C17orf75: variants seen among roughly 807,000 people sequenced by gnomAD.
C17orf75 encodes the protein protein Njmu-R1.
Under a neutral mutation model 49.6 loss-of-function variants are expected in C17orf75, and 32 were observed. The ratio of observed to expected loss-of-function variants is 0.65; its 90% confidence interval spans 0.49 to 0.87. C17orf75 has a LOEUF of 0.87. C17orf75 is among the 40% of genes least tolerant of loss of function. C17orf75 has a pLI of 0.00. For synonymous variants in C17orf75, 158 were observed against 159.5 expected (o/e 0.99, Z 0.07); for missense variants, 428 against 473.9 (o/e 0.90, Z 0.90).
upstream of C17orf75, among the ~76,000 whole-genome samples, chr17:32,346,105 C>T (rs535243049): frequency 3.3e-5 from 5 of 152,250 alleles, 1 homozygote; most frequent in South Asian, 2.1e-4. Flanking sequence ...CTAGCCTCCT[C>T]CCCTTGCTTA....
Position 32,342,056 on chromosome 17 carries a change from C to A in C17orf75, c.84G>T (p.Arg28=). 1 of 1,560,104 alleles carries A rather than the reference C, an allele frequency of 6.4e-7. No individual in the cohort carries two copies. Among genetic ancestry groups the A allele is most frequent in the Middle Eastern group, 1.7e-4 (1 of 5,994 alleles). Residue 28 remains arginine (R), a synonymous_variant, in exon 1 of 10, where the codon CGG becomes CGT. Transcript: ENST00000577809. The part of the protein sequence containing the change: ...SSEEGGSAEE[R]RLEPPSSSHY... ...GGCTGCTGGACGGCGGCTCGAGTCT[C>A]CGCTCCTCGGCTGAGCCTCCCTCTT...
rs113322783 is a variant in C17orf75 at position 32,341,999 on chromosome 17, C to G, written c.140+1G>C. ...TGGCAGGCCGAGCTGGGCGCCAGCA[C>G]CTGCTTCCGCGATAGCTGTAAAGAC... On this transcript the variant is annotated splice_donor_variant, in intron 1 of 9. Coordinates refer to ENST00000577809, the MANE Select transcript of C17orf75 (RefSeq NM_022344.4). LOFTEE classifies it high-confidence loss of function. 2 of 1,458,434 alleles carry G rather than the reference C, an allele frequency of 1.4e-6. No individual in the cohort carries two copies. The highest frequency in any genetic ancestry group is 1.8e-6 in the Non-Finnish European group (2 of 1,102,470). The allele number at this position is 1,458,434 out of a possible 1,614,324, so 90.3% of individuals were successfully genotyped here.
Position 32,331,621 on chromosome 17 carries a change from A to T in C17orf75, c.*142T>A. 1.5e-6 allele frequency: 1 copy of T among 687,152 alleles called. No individual in the cohort carries two copies. Among genetic ancestry groups the T allele is most frequent in the Non-Finnish European group, 2.4e-6 (1 of 412,016 alleles). The allele number at this position is 687,152 out of a possible 1,614,324, so 42.6% of individuals were successfully genotyped here. On this transcript the variant is annotated 3_prime_UTR_variant, in exon 10 of 10. Transcript: ENST00000577809. ...TGTTCTTCAGATTTTTATTTAAGTT[A>T]AATTGGTAAAATACAAAAAGAAAAT...
At chr17:32,340,050 T>C in intron 2 of C17orf75, 112 bp from the exon 3 acceptor site, 1 of 1,286,848 alleles carries the variant, frequency 7.8e-7, no homozygotes. Flanking sequence ...TGGGGAAAGC[T>C]GTCCTTATGA....
At chr17:32,344,433 C>T (rs999939883), upstream of C17orf75, among the ~76,000 whole-genome samples, 10 of 150,054 alleles carry the variant, frequency 6.7e-5, no homozygotes, top group Non-Finnish European at 8.9e-5. Context: ...CTGGCTAATA[C>T]GGTGAAACCC....
At chr17:32,343,294 G>A (rs563469317), upstream of C17orf75, among the ~76,000 whole-genome samples, 8 of 144,046 alleles carry the variant, frequency 5.6e-5, no homozygotes, top group South Asian at 2.1e-4. Context: ...GTGTGCATGC[G>A]TGTGTTTTGT....
At chr17:32,346,237 A>G (rs1231300029), upstream of C17orf75, among the ~76,000 whole-genome samples, 2 of 151,968 alleles carry the variant, frequency 1.3e-5, no homozygotes, top group African/African-American at 4.8e-5. Flanking sequence ...CTGGACAACA[A>G]AGCGAGACCT....
At chr17:32,339,324 AC>A (rs2041356095) in intron 3 of C17orf75, among the ~76,000 whole-genome samples, 1 of 152,054 alleles carries the variant, frequency 6.6e-6, no homozygotes, top group African/African-American at 2.4e-5. Flanking sequence ...CAAACTGTAT[AC>A]AAATTTAGTT....
chr17:32,349,489 G>C (rs144528068), intron 1 of C17orf75, among the ~76,000 whole-genome samples: 1 of 152,258 alleles, frequency 6.6e-6, no homozygotes, highest in African/African-American at 2.4e-5. Context: ...GCTGAGGTAG[G>C]AGAATCGCTT....
chr17:32,345,254 G>A (rs1281272248), upstream of C17orf75, among the ~76,000 whole-genome samples: 1 of 151,976 alleles, frequency 6.6e-6, no homozygotes, highest in African/African-American at 2.4e-5. Flanking sequence ...GAGGCAGGCG[G>A]ATCACAAGGT....
In C17orf75 at chr17:32,329,624, G is replaced by A. The variant is rs1332749178; in HGVS notation, c.*2139C>T. 13 of 151,988 alleles carry A rather than the reference G, an allele frequency of 8.6e-5. No homozygotes were observed. Among genetic ancestry groups the A allele is most frequent in the South Asian group, 2.1e-4 (1 of 4,818 alleles). The allele number at this position is 151,988 out of a possible 1,614,324, so 9.4% of individuals were successfully genotyped here. A position where few individuals can be genotyped will look rare whatever the true frequency, so the allele number is the denominator to read the frequency against. On this transcript the variant is annotated 3_prime_UTR_variant, in exon 10 of 10. Coordinates refer to ENST00000577809, the MANE Select transcript of C17orf75 (RefSeq NM_022344.4). ...TTACACCTTGCCTATATCCATAAAT[G>A]ATTTGAAGCAGGTAACACATTTGCT...
upstream of C17orf75, among the ~76,000 whole-genome samples, chr17:32,344,799 C>T (rs556940039): frequency 6.0e-5 from 9 of 150,246 alleles, no homozygotes; most frequent in South Asian, 1.5e-3. Context: ...CACAGCTACT[C>T]AGGAGGCTGA....
In C17orf75 at chr17:32,334,757, G is replaced by GA. The variant is rs746547031; in HGVS notation, c.734+17dup. 3.2e-6 allele frequency: 5 copies of GA among 1,583,802 alleles called. No homozygotes were observed. In the African/African-American group the frequency reaches 4.1e-5, roughly 13 times the overall value. On this transcript the variant is annotated intron_variant, in intron 7 of 9. Coordinates refer to ENST00000577809, the MANE Select transcript of C17orf75 (RefSeq NM_022344.4). ...TTGCTGTGGAAAAGCTTTTCTCTTT[G>GA]AAAAAACTGTTCTTTACCTGTTAAT...
chr17:32,343,925 C>T, upstream of C17orf75: 1 of 682,728 alleles, frequency 1.5e-6, no homozygotes, highest in Non-Finnish European at 2.7e-6. Flanking sequence ...AGATATTTGG[C>T]AAAACTAGGT....
intron 2 of C17orf75, chr17:32,340,967 A>G (rs765600059): frequency 1.3e-4 from 69 of 534,702 alleles, no homozygotes; most frequent in Non-Finnish European, 1.6e-4. Context: ...AAAAGAAAAA[A>G]AAAGGATTTC....
intron 1 of C17orf75, among the ~76,000 whole-genome samples, chr17:32,347,557 C>T (rs1359251261): frequency 6.6e-6 from 1 of 152,212 alleles, no homozygotes; most frequent in Non-Finnish European, 1.5e-5. Flanking sequence ...GTTGGGATTA[C>T]AGGGGTGAGC....
At position 32,330,039 on chromosome 17, in the gene C17orf75, C is replaced by T. The variant is rs7224742; in HGVS notation, c.*1724G>A. 85,330 of 152,012 alleles carry T rather than the reference C, an allele frequency of 0.56. 24,746 individuals are homozygous for T. The highest frequency in any genetic ancestry group is 0.6 in the Non-Finnish European group (40,985 of 67,978). The allele number at this position is 152,012 out of a possible 1,614,324, so 9.4% of individuals were successfully genotyped here. On this transcript the variant is annotated 3_prime_UTR_variant, in exon 10 of 10. Transcript: ENST00000577809. Reference sequence around the variant, plus strand: ...TGTAATTTTAGTAGAGACAGGGTTTCACCATATTGGTCAGGCTGGTCTGGA... The same window carrying T: ...TGTAATTTTAGTAGAGACAGGGTTTTACCATATTGGTCAGGCTGGTCTGGA...
chr17:32,342,410 T>TA (rs1171581286), upstream of C17orf75: 8 of 353,058 alleles, frequency 2.3e-5, no homozygotes, highest in Non-Finnish European at 3.8e-5. Flanking sequence ...TTCTATGTGA[T>TA]AAAGGTGGCA....
Position 32,338,298 on chromosome 17 carries a change from A to G in C17orf75, c.401T>C (p.Leu134Pro). 1 of 1,612,064 alleles carries G rather than the reference A, an allele frequency of 6.2e-7. No homozygotes were observed. Residue 134 changes from leucine to proline, a missense_variant, in exon 4 of 10, where the codon CTG (leucine) becomes CCG (proline). Coordinates refer to ENST00000577809, the MANE Select transcript of C17orf75 (RefSeq NM_022344.4). ...CYYCLFQNEK[L>P]LPETVTIDSE... ...GTCTATCGTTACTGTTTCAGGAAGCAGTTTTTCATTTTGGAAAAGGCAGTA... is the reference window on the plus strand; with the variant it reads ...GTCTATCGTTACTGTTTCAGGAAGCGGTTTTTCATTTTGGAAAAGGCAGTA...
Sources: allele counts gnomAD v4.1 joint callset (sites outside exome capture counted in the v4.1 genomes callset), GRCh38; gene constraint gnomAD v4.1.1; transcripts MANE v1.5; gene names NCBI Gene and HGNC (gene_info 2026-07-23, HGNC 2026-07-21).